Variants in DCDC1 observed in about 807,000 individuals in gnomAD.
The protein encoded by DCDC1 is doublecortin domain containing 1.
Under a neutral mutation model 178.3 loss-of-function variants are expected in DCDC1, and 200 were observed. That is an observed-to-expected ratio of 1.12 (90% CI 1.00 to 1.26). The LOEUF (loss-of-function observed/expected upper bound fraction) is 1.26, where lower values mean the gene tolerates loss of function less well. DCDC1 is among the 50% of genes most tolerant of loss of function. DCDC1 has a pLI of 0.00. For synonymous variants in DCDC1, 690 were observed against 604.8 expected (o/e 1.14, Z -2.07); for missense variants, 1,983 against 1,749.2 (o/e 1.13, Z -2.38).
chr11:31,215,087 T>TA (rs926239469), intron 9 of DCDC1: 5 of 196,768 alleles, frequency 2.5e-5, no homozygotes, highest in South Asian at 2.3e-4. Flanking sequence ...TCCCACATTT[T>TA]AAAAATTAAA....
intron 6 of DCDC1, among the ~76,000 whole-genome samples, chr11:31,301,748 T>G (rs1235551991): frequency 6.6e-6 from 1 of 152,218 alleles, no homozygotes; most frequent in Non-Finnish European, 1.5e-5. Context: ...ATCCATCATT[T>G]CACTGACACT....
At chr11:31,041,030 C>G (rs1037888297) in intron 20 of DCDC1, among the ~76,000 whole-genome samples, 1 of 152,176 alleles carries the variant, frequency 6.6e-6, no homozygotes, top group African/African-American at 2.4e-5. Flanking sequence ...ATTTAAAGTA[C>G]AGCAATTATA....
chr11:31,160,610 C>A (rs1347819505), intron 9 of DCDC1, among the ~76,000 whole-genome samples: 2 of 152,016 alleles, frequency 1.3e-5, no homozygotes, highest in African/African-American at 2.4e-5. Flanking sequence ...TGTTTCTGAA[C>A]CTGAGTTCCA....
At chr11:30,979,160 C>T (rs141607706) in intron 20 of DCDC1, among the ~76,000 whole-genome samples, 3 of 142,464 alleles carry the variant, frequency 2.1e-5, no homozygotes, top group African/African-American at 7.8e-5. Flanking sequence ...GGGATTCACT[C>T]CTCCACAAAG....
chr11:31,297,760 A>G (rs1454492907), intron 6 of DCDC1, among the ~76,000 whole-genome samples: 2 of 152,180 alleles, frequency 1.3e-5, no homozygotes, highest in African/African-American at 4.8e-5. Context: ...TGGTACCTTT[A>G]TAAGAATCAG....
chr11:31,210,588 G>A (rs1234767279), intron 9 of DCDC1, among the ~76,000 whole-genome samples: 1 of 151,828 alleles, frequency 6.6e-6, no homozygotes. Flanking sequence ...GCACATGCCT[G>A]TAATCCCAGC....
chr11:30,888,080 GAGAGAAAGAAAGAAAGAAAAAGAA>G (rs1387978801), intron 36 of DCDC1, among the ~76,000 whole-genome samples: 1 of 99,792 alleles, frequency 1.0e-5, no homozygotes, highest in Non-Finnish European at 2.2e-5. Context: ...GAGAGAGAGA[GAGAGAAAGAAAGAAAGAAAAAGAA>G]AGAAAGAAAG....
At chr11:30,892,669 G>A (rs973371259) in intron 36 of DCDC1, 149 bp downstream of exon 36, 166 of 865,668 alleles carry the variant, frequency 1.9e-4, no homozygotes, top group South Asian at 8.0e-4. Context: ...TCAATCATGA[G>A]ATCAATCCTA....
At chr11:31,047,014 G>A (rs1954885677) in intron 20 of DCDC1, among the ~76,000 whole-genome samples, 2 of 151,956 alleles carry the variant, frequency 1.3e-5, no homozygotes, top group Admixed American at 1.3e-4. Context: ...CTTCCACAAT[G>A]TCTTCCAAAC....
At chr11:31,298,276 C>T (rs1399547096) in intron 6 of DCDC1, among the ~76,000 whole-genome samples, 1 of 152,164 alleles carries the variant, frequency 6.6e-6, no homozygotes, top group African/African-American at 2.4e-5. Context: ...AAAGAAAGGG[C>T]CCTTGTCTCA....
At chr11:31,169,693 T>C (rs1006226053) in intron 9 of DCDC1, among the ~76,000 whole-genome samples, 3 of 152,240 alleles carry the variant, frequency 2.0e-5, no homozygotes, top group Non-Finnish European at 4.4e-5. Flanking sequence ...GAGAGAATTA[T>C]GAATTCTGCC....
At chr11:31,339,475 T>C (rs1342916041) in intron 1 of DCDC1, among the ~76,000 whole-genome samples, 2 of 152,172 alleles carry the variant, frequency 1.3e-5, no homozygotes, top group African/African-American at 4.8e-5. Flanking sequence ...CAGAATAAGA[T>C]ACTATGGAAA....
rs188993722 is a variant in DCDC1 at position 31,332,016 on chromosome 11, T to C, written c.-7+3431A>G. ...TGTGAATCCATCTGGTCCTGAACTT[T>C]TTTTGGTTGGTGGGCTATTAATTAT... On this transcript the variant is annotated intron_variant, in intron 2 of 38. Coordinates refer to ENST00000684477, the MANE Select transcript of DCDC1 (RefSeq NM_001387274.1). Among the ~76,000 whole-genome samples, 6 of 152,334 alleles carry C rather than the reference T, an allele frequency of 3.9e-5. No individual in the cohort carries two copies. The East Asian group carries it at 1.2e-3, about 29-fold the overall frequency.
chr11:30,968,682 T>TAC (rs1949586596), intron 20 of DCDC1, among the ~76,000 whole-genome samples: 1 of 117,608 alleles, frequency 8.5e-6, no homozygotes, highest in African/African-American at 3.9e-5. Context: ...TATATCAAAT[T>TAC]ATATATATCA....
intron 20 of DCDC1, among the ~76,000 whole-genome samples, chr11:31,048,386 C>G (rs1431295309): frequency 1.3e-5 from 2 of 152,128 alleles, no homozygotes; most frequent in Admixed American, 1.3e-4. Flanking sequence ...ACGAAATTCA[C>G]CAAATTAAAA....
At chr11:31,268,698 T>C (rs1210345152) in intron 7 of DCDC1, among the ~76,000 whole-genome samples, 2 of 152,176 alleles carry the variant, frequency 1.3e-5, no homozygotes, top group Non-Finnish European at 2.9e-5. Flanking sequence ...AGTGCATGCG[T>C]CATTTTGGCA....
chr11:31,044,400 C>T (rs901034748), intron 20 of DCDC1, among the ~76,000 whole-genome samples: 1 of 150,628 alleles, frequency 6.6e-6, no homozygotes, highest in Non-Finnish European at 1.5e-5. Flanking sequence ...TGGGCATGAA[C>T]CCGGGAGGCG....
intron 6 of DCDC1, among the ~76,000 whole-genome samples, chr11:31,301,328 A>C (rs550172952): frequency 1.2e-3 from 186 of 152,354 alleles, no homozygotes; most frequent in African/African-American, 4.4e-3. Context: ...ACCTTAGCTG[A>C]TTGAATTAAG....
intron 9 of DCDC1, among the ~76,000 whole-genome samples, chr11:31,198,909 T>C (rs1202349491): frequency 6.6e-6 from 1 of 151,688 alleles, no homozygotes; most frequent in African/African-American, 2.4e-5. Context: ...TTAAATTTTC[T>C]ACAAAAGAAA....
Sources: gnomAD v4.1 joint callset for allele counts (sites outside exome capture counted in the v4.1 genomes callset) on GRCh38, gnomAD v4.1.1 for gene constraint, MANE v1.5 for transcripts, NCBI Gene and HGNC (gene_info 2026-07-23, HGNC 2026-07-21) for gene names.